Variants in PLCL2 observed in about 807,000 individuals in gnomAD.
The protein encoded by PLCL2 is phospholipase C like 2.
Under a neutral mutation model 79.6 loss-of-function variants are expected in PLCL2, and 4 were observed. That is an observed-to-expected ratio of 0.05 (90% confidence interval 0.02 to 0.11). The LOEUF (loss-of-function observed/expected upper bound fraction) is 0.11, where lower values mean the gene tolerates loss of function less well. Among genes scored for constraint, PLCL2 ranks in the 10% least tolerant of loss-of-function variants. PLCL2 has a pLI of 1.00. For synonymous variants in PLCL2, 484 were observed against 457.7 expected (o/e 1.06, Z -0.73); for missense variants, 895 against 1,291.0 (o/e 0.69, Z 4.70).
rs149162321 is a variant in PLCL2, at chr3:16,902,164, G to A, written c.327+16798G>A. Among the ~76,000 whole-genome samples the A allele has an allele frequency of 1.2e-3, 182 of 152,184 alleles. 3 individuals are homozygous for A. Among genetic ancestry groups the A allele is most frequent in the Admixed American group, 2.1e-3 (32 of 15,298 alleles). Reference sequence around the variant, plus strand: ...CTTATCCTGCCCCCTCCTCCTATCTGGTCCTTTTCTGAAGTTATTTAGTTT... The same window carrying A: ...CTTATCCTGCCCCCTCCTCCTATCTAGTCCTTTTCTGAAGTTATTTAGTTT... On this transcript the variant is annotated intron_variant, in intron 1 of 5. Coordinates refer to ENST00000615277, the MANE Select transcript of PLCL2 (RefSeq NM_001144382.2).
intron 1 of PLCL2, among the ~76,000 whole-genome samples, chr3:16,888,800 A>G (rs1696280573): frequency 6.6e-6 from 1 of 152,240 alleles, no homozygotes; most frequent in Admixed American, 6.5e-5. Flanking sequence ...ATGAAGTTAA[A>G]ATGTCTATTG....
chr3:16,887,772 G>A lies in PLCL2; in HGVS notation c.327+2406G>A, dbSNP rs993337835. Among the ~76,000 whole-genome samples, 3 of 151,896 alleles carry A rather than the reference G, an allele frequency of 2.0e-5. No homozygotes were observed. The highest frequency in any genetic ancestry group is 1.3e-4 in the Admixed American group (2 of 15,260). On this transcript the variant is annotated intron_variant, in intron 1 of 5. Transcript: ENST00000615277. This position sits in a 1 kb window ranked among gnomAD's most constrained non-coding sequence, Gnocchi z 4.1. ...CACAGATAGTTTTGTCATGTGAATG[G>A]CAGAAATTATGTTTCACTTTTGTTT...
chr3:16,986,918 T>G (rs1471743221), intron 1 of PLCL2, among the ~76,000 whole-genome samples: 2 of 152,060 alleles, frequency 1.3e-5, no homozygotes, highest in Non-Finnish European at 2.9e-5. Context: ...TACATGTTTA[T>G]GATTTACAGT....
chr3:17,054,965 G>T (rs1431406021), intron 4 of PLCL2, among the ~76,000 whole-genome samples: 1 of 152,174 alleles, frequency 6.6e-6, no homozygotes, highest in Non-Finnish European at 1.5e-5. Flanking sequence ...AGTGGATTAT[G>T]TGATTCCCTG....
chr3:16,892,596 T>G (rs1443783894), intron 1 of PLCL2, among the ~76,000 whole-genome samples: 1 of 152,170 alleles, frequency 6.6e-6, no homozygotes, highest in East Asian at 1.9e-4. Context: ...TAATTAAAAA[T>G]AAAATACATA....
At chr3:16,948,643 G>A (rs1482570464) in intron 1 of PLCL2, among the ~76,000 whole-genome samples, 1 of 152,136 alleles carries the variant, frequency 6.6e-6, no homozygotes, top group Non-Finnish European at 1.5e-5. Context: ...AGTGACAGAG[G>A]TAAATACACA....
rs573223010 is a variant in PLCL2 at position 16,973,281 on chromosome 3, C to A, written c.328-36393C>A. ...GCCACGAAATTATTGGTTGGAATTT[C>A]TTTTATTTAGGAATGCTGAATATAG... On this transcript the variant is annotated intron_variant, in intron 1 of 5. Transcript: ENST00000615277. 1.2e-3 allele frequency among the ~76,000 whole-genome samples: 183 copies of A among 151,210 alleles called. 1 individual carries two copies. Among genetic ancestry groups the A allele is most frequent in the Non-Finnish European group, 2.1e-3 (142 of 67,868 alleles).
At chr3:17,048,319 G>A (rs544323637) in intron 4 of PLCL2, among the ~76,000 whole-genome samples, 21 of 152,144 alleles carry the variant, frequency 1.4e-4, no homozygotes, top group African/African-American at 5.1e-4. Context: ...ATATATGTGA[G>A]TTTTTTCAAT....
chr3:16,899,707 T>A (rs1262188848), intron 1 of PLCL2, among the ~76,000 whole-genome samples: 1 of 152,128 alleles, frequency 6.6e-6, no homozygotes, highest in Non-Finnish European at 1.5e-5. Context: ...TGTATGGATC[T>A]TGGGAAGAGC....
chr3:17,042,523 A>G (rs762405742), intron 3 of PLCL2, among the ~76,000 whole-genome samples: 6 of 152,208 alleles, frequency 3.9e-5, no homozygotes, highest in African/African-American at 7.2e-5. Context: ...AAATTTTGTT[A>G]AAATGGATAA....
intron 5 of PLCL2, among the ~76,000 whole-genome samples, chr3:17,080,047 G>C (rs1015203279): frequency 1.3e-5 from 2 of 152,072 alleles, no homozygotes; most frequent in Non-Finnish European, 2.9e-5. Context: ...TGCACCCTTT[G>C]GGGTGGAGGT....
intron 5 of PLCL2, among the ~76,000 whole-genome samples, chr3:17,079,350 G>C (rs1484080476): frequency 2.6e-5 from 4 of 152,188 alleles, no homozygotes; most frequent in Non-Finnish European, 5.9e-5. Context: ...GCTCCTGAAT[G>C]CTAACCCTAC....
chr3:17,048,244 C>G (rs73819609), intron 4 of PLCL2, among the ~76,000 whole-genome samples: 5,976 of 152,252 alleles, frequency 0.039, 360 homozygotes, highest in African/African-American at 0.13. Flanking sequence ...AAGCACTTAA[C>G]AAGTGTTCTG....
intron 1 of PLCL2, among the ~76,000 whole-genome samples, chr3:17,007,636 G>A (rs949697719): frequency 3.3e-5 from 5 of 152,180 alleles, no homozygotes; most frequent in African/African-American, 1.2e-4. Flanking sequence ...TAAAGTTTAA[G>A]TTTAATTACC....
intron 1 of PLCL2, among the ~76,000 whole-genome samples, chr3:16,953,923 T>G (rs893087139): frequency 6.6e-5 from 10 of 152,268 alleles, no homozygotes; most frequent in African/African-American, 2.4e-4. Flanking sequence ...TTTGAGTTGA[T>G]TTGATGTAAT....
Position 16,898,843 on chromosome 3 carries a change from A to G in PLCL2, c.327+13477A>G, listed in dbSNP as rs527855721. On this transcript the variant is annotated intron_variant, in intron 1 of 5. Transcript: ENST00000615277. ...AAAACCTTTCCACACCAGGTCACACATGGAAAATGATATAATTGTCTAGAT... is the reference window on the plus strand; with the variant it reads ...AAAACCTTTCCACACCAGGTCACACGTGGAAAATGATATAATTGTCTAGAT... Among the ~76,000 whole-genome samples the G allele has an allele frequency of 7.6e-3, 1,151 of 151,602 alleles. 13 individuals are homozygous for G. Among genetic ancestry groups the G allele is most frequent in the African/African-American group, 0.026 (1,065 of 41,450 alleles).
chr3:17,030,021 G>C (rs1265572849), intron 3 of PLCL2, among the ~76,000 whole-genome samples: 1 of 152,158 alleles, frequency 6.6e-6, no homozygotes, highest in African/African-American at 2.4e-5. Flanking sequence ...TGCACCCTAG[G>C]AAGCAGATGA....
intron 1 of PLCL2, among the ~76,000 whole-genome samples, chr3:16,924,107 T>C (rs1001434004): frequency 2.0e-5 from 3 of 152,182 alleles, no homozygotes; most frequent in Non-Finnish European, 4.4e-5. Flanking sequence ...ATCCAATGTG[T>C]GGGTTTCCTC....
intron 1 of PLCL2, among the ~76,000 whole-genome samples, chr3:16,965,397 A>G (rs2063796930): frequency 6.6e-6 from 1 of 152,174 alleles, no homozygotes; most frequent in Admixed American, 6.6e-5. Flanking sequence ...TTTTGGTACC[A>G]GTACCATGCT....
Sources: gnomAD v4.1 joint callset for allele counts (sites outside exome capture counted in the v4.1 genomes callset) on GRCh38, gnomAD v4.1.1 for gene constraint, Gnocchi (gnomAD v3.1) non-coding constraint, MANE v1.5 for transcripts, NCBI Gene and HGNC (gene_info 2026-07-23, HGNC 2026-07-21) for gene names.